PTTG2: variants seen among roughly 807,000 people sequenced by gnomAD.
The protein encoded by PTTG2 is pituitary tumor-transforming 2.
For synonymous variants in PTTG2, 90 were observed against 84.2 expected (o/e 1.07, Z -0.37); for missense variants, 218 against 226.3 (o/e 0.96, Z 0.23).
In PTTG2 at chr4:37,960,713, G is replaced by C. The variant is rs200727508; in HGVS notation, c.279G>C (p.Met93Ile). The C allele has an allele frequency of 6.2e-7, 1 of 1,614,044 alleles. No homozygotes were observed. Among genetic ancestry groups the C allele is most frequent in the African/African-American group, 1.3e-5 (1 of 74,910 alleles). The change falls in exon 1 of 1, where the codon ATG becomes ATC. Residue 93 changes from methionine to isoleucine, a missense_variant. By Grantham distance (10) the Met-to-Ile change is conservative (BLOSUM62 1). Coordinates refer to ENST00000504686, the MANE Select transcript of PTTG2 (RefSeq NM_006607.3). ...AGCCAAGCTTTTCTGCCAAAAAGAT[G>C]ACCGAGAAGACTGTTAAAACAAAAA... is the stretch of plus-strand genomic sequence containing the variant. ...QKQPSFSAKK[M>I]TEKTVKTKSS...
At position 37,960,444 on chromosome 4, in the gene PTTG2, C is replaced by G. The variant is rs752876023; in HGVS notation, c.10C>G (p.Leu4Val). 3.0e-5 allele frequency: 49 copies of G among 1,612,202 alleles called. 1 individual carries two copies. In the South Asian group the frequency reaches 4.4e-4, roughly 15 times the overall value. MAT[L>V]IYVDKEIGEP... ...GCGGCAATAATCCAGAATGGCTACT[C>G]TGATCTACGTTGATAAGGAAATTGG... The change falls in exon 1 of 1, where the codon CTG (leucine) becomes GTG (valine). Residue 4 changes from leucine to valine, a missense_variant. Coordinates refer to ENST00000504686, the MANE Select transcript of PTTG2 (RefSeq NM_006607.3).
Position 37,960,776 on chromosome 4 carries a change from A to G in PTTG2, c.342A>G (p.Ile114Met). The stretch of plus-strand genomic sequence containing the variant: ...CCTCAGATGACGCCTATCCAGAAAT[A>G]GAAAAATTCTTTCCCTTCAATCTTC... ...VPASDDAYPE[I>M]EKFFPFNLLD... Residue 114 changes from isoleucine to methionine, a missense_variant, in exon 1 of 1, where the codon ATA becomes ATG. Ile to Met is a conservative substitution (Grantham distance 10). Transcript: ENST00000504686. The G allele has an allele frequency of 3.1e-6, 5 of 1,614,204 alleles. No homozygotes were observed. Among genetic ancestry groups the G allele is most frequent in the Non-Finnish European group, 4.2e-6 (5 of 1,180,032 alleles).
Sources: gnomAD v4.1 joint callset for allele counts on GRCh38, gnomAD v4.1.1 for gene constraint, MANE v1.5 for transcripts, NCBI Gene and HGNC (gene_info 2026-07-23, HGNC 2026-07-21) for gene names.